Variants in CIAO3 observed in about 807,000 individuals in gnomAD.
CIAO3 encodes cytosolic iron-sulfur assembly component 3.
CIAO3 carries 45 observed loss-of-function variants against 51.5 expected under a neutral mutation model. The observed-to-expected ratio is 0.87, with a 90% CI of 0.69 to 1.12. The LOEUF (loss-of-function observed/expected upper bound fraction) is 1.12, where lower values mean the gene tolerates loss of function less well. Among genes scored for constraint, CIAO3 ranks in the 50% most tolerant of loss-of-function variants. The pLI, the probability that CIAO3 is intolerant of heterozygous loss-of-function variation, is 0.00. For synonymous variants in CIAO3, 314 were observed against 269.3 expected, an observed-to-expected ratio of 1.17 and a Z score of -1.63; for missense variants, 668 against 632.5, an observed-to-expected ratio of 1.06 and a Z score of -0.60.
intron 8 of CIAO3, 43 bp downstream of exon 8, chr16:732,258 G>C (rs768257200): frequency 1.3e-6 from 2 of 1,563,242 alleles, no homozygotes; most frequent in South Asian, 1.2e-5. Flanking sequence ...CAGAGGCAGC[G>C]TTAGAAGCTA....
At chr16:733,954 T>C (rs1020259297) in intron 6 of CIAO3, 5 of 451,106 alleles carry the variant, frequency 1.1e-5, no homozygotes, top group Non-Finnish European at 1.6e-5. Flanking sequence ...GCCGGAGGGG[T>C]GGGCTCCAGG....
At position 740,940 on chromosome 16, in the gene CIAO3, C is replaced by A; in HGVS notation, c.46G>T (p.Asp16Tyr). The A allele has an allele frequency of 6.6e-7, 1 of 1,524,358 alleles. No individual in the cohort carries two copies. Among genetic ancestry groups the A allele is most frequent in the Non-Finnish European group, 8.8e-7 (1 of 1,140,210 alleles). The allele number at this position is 1,524,358 out of a possible 1,614,324, so 94.4% of individuals were successfully genotyped here. Residue 16 changes from aspartate to tyrosine, a missense_variant, in exon 1 of 11, where the codon GAC (aspartate) becomes TAC (tyrosine). By Grantham distance (160) the Asp-to-Tyr change is radical. Coordinates refer to ENST00000251588, the MANE Select transcript of CIAO3 (RefSeq NM_022493.3). ...CCCACCTGAGACGGCCCGATGAAGT[C>A]ATCCAGGTCCGTCAGCTGCAGCGCC... ...SGALQLTDLD[D>Y]FIGPSQECIK...
chr16:737,554 A>G lies in CIAO3; in HGVS notation c.163-225T>C. 6.7e-7 allele frequency: 1 copy of G among 1,496,586 alleles called. No individual in the cohort carries two copies. The highest frequency in any genetic ancestry group is 1.2e-5 in the South Asian group (1 of 82,886). The allele number at this position is 1,496,586 out of a possible 1,614,324, so 92.7% of individuals were successfully genotyped here. A position where few individuals can be genotyped will look rare whatever the true frequency, so the allele number is the denominator to read the frequency against. ...CTTCTTGGTACCACTTGGTTAGTGC[A>G]TCCGAATCACAGGACTAAGGCTTGC... On this transcript the variant is annotated intron_variant, in intron 2 of 10. Coordinates refer to ENST00000251588, the MANE Select transcript of CIAO3 (RefSeq NM_022493.3). The surrounding 1 kb of genome is among the most constrained non-coding windows in gnomAD (Gnocchi z 5.3).
At chr16:739,477 A>G in intron 2 of CIAO3, 166 bp downstream of exon 2, 1 of 684,270 alleles carries the variant, frequency 1.5e-6, no homozygotes, top group East Asian at 2.7e-5. Context: ...TGCCCCAGGC[A>G]CCCTGACCCC....
At position 732,287 on chromosome 16, in the gene CIAO3, G is replaced by A. The variant is rs754219585; in HGVS notation, c.896+14C>T. 2 of 1,598,852 alleles carry A rather than the reference G, an allele frequency of 1.3e-6. No homozygotes were observed. Among genetic ancestry groups the A allele is most frequent in the East Asian group, 4.5e-5 (2 of 44,622 alleles). ...GAAGCTAAAATAACAGTTCTTGGTGGCAGACATACGTACAGGCTGTCCAGA... is the reference window on the plus strand; with the variant it reads ...GAAGCTAAAATAACAGTTCTTGGTGACAGACATACGTACAGGCTGTCCAGA... On this transcript the variant is annotated intron_variant, in intron 8 of 10. Transcript: ENST00000251588.
intron 1 of CIAO3, chr16:740,679 T>TG: frequency 1.9e-6 from 1 of 537,332 alleles, no homozygotes; most frequent in Non-Finnish European, 3.3e-6. Context: ...CCGGACACCA[T>TG]GGGGCACAGG....
At chr16:731,752 C>A in intron 8 of CIAO3, 50 bp from the exon 9 acceptor site, 1 of 1,492,366 alleles carries the variant, frequency 6.7e-7, no homozygotes, top group Non-Finnish European at 8.9e-7. Flanking sequence ...TGCCTGCCAA[C>A]CTCCCGAGCA....
rs777141563 is a variant in CIAO3 at position 730,885 on chromosome 16, G to A, written c.1150C>T (p.Arg384Cys). 2.0e-5 allele frequency: 32 copies of A among 1,612,756 alleles called. No individual in the cohort carries two copies. The highest frequency in any genetic ancestry group is 4.5e-5 in the East Asian group (2 of 44,900). The change falls in exon 10 of 11, where the codon CGC (arginine) becomes TGC (cysteine). Residue 384 changes from arginine (R) to cysteine (C), a missense_variant. Coordinates refer to ENST00000251588, the MANE Select transcript of CIAO3 (RefSeq NM_022493.3). ...ACCTCCACGTAGTGGTAGGGGCAGC[G>A]CCCTCGTTTGAGCCTCTGCACCAGG... is the stretch of plus-strand genomic sequence containing the variant. ...QNLVQRLKRGRCPYHYVEVMA... is the reference protein window; with the variant it reads ...QNLVQRLKRGCCPYHYVEVMA...
At position 730,447 on chromosome 16, in the gene CIAO3, C is replaced by T. The variant is rs776435391; in HGVS notation, c.1401G>A (p.Lys467=). The T allele has an allele frequency of 6.9e-6, 11 of 1,605,010 alleles. No individual in the cohort carries two copies. Among genetic ancestry groups the T allele is most frequent in the East Asian group, 2.2e-5 (1 of 44,884 alleles). Residue 467 remains lysine (K), a synonymous_variant, in exon 11 of 11, where the codon AAG becomes AAA. Coordinates refer to ENST00000251588, the MANE Select transcript of CIAO3 (RefSeq NM_022493.3). ...LLHTQYHAVE[K]ASTGLGIRW Reference sequence around the variant, plus strand: ...ACCGGATGCCCAGGCCAGTGCTGGCCTTCTCCACGGCGTGGTACTGCGTAT... The same window carrying T: ...ACCGGATGCCCAGGCCAGTGCTGGCTTTCTCCACGGCGTGGTACTGCGTAT...
At chr16:734,601 A>G (rs991826321) in intron 5 of CIAO3, 136 bp downstream of exon 5, 8 of 1,494,388 alleles carry the variant, frequency 5.4e-6, no homozygotes, top group South Asian at 1.1e-5. Context: ...ATTTGTGCCA[A>G]CATTTCCAAC....
intron 6 of CIAO3, chr16:733,641 G>A (rs1181899734): frequency 1.6e-6 from 1 of 637,046 alleles, no homozygotes; most frequent in Admixed American, 3.1e-5. Flanking sequence ...CATTCCCAGT[G>A]TGCCTGCGCT....
chr16:733,048 A>G (rs2041301719), intron 7 of CIAO3: 1 of 505,268 alleles, frequency 2.0e-6, no homozygotes, highest in African/African-American at 1.9e-5. Context: ...CCCACCTCCA[A>G]AGACTCATTT....
chr16:738,040 C>T lies in CIAO3; in HGVS notation c.163-711G>A, dbSNP rs1020350126. The T allele has an allele frequency of 6.0e-5, 66 of 1,106,380 alleles. 1 individual carries two copies. The Middle Eastern group carries it at 1.3e-3, about 21-fold the overall frequency. 68.5% of individuals were successfully genotyped at this position (1,106,380 alleles called of 1,614,324 possible). On this transcript the variant is annotated intron_variant, in intron 2 of 10. Transcript: ENST00000251588. Reference sequence around the variant, plus strand: ...GGAACTGTGTGGGAACCCCTCGCAGCCCAGCTCTCTGCTAGGCCTGTGTAT... The same window carrying T: ...GGAACTGTGTGGGAACCCCTCGCAGTCCAGCTCTCTGCTAGGCCTGTGTAT...
rs757119553 is a variant in CIAO3, at chr16:730,671, C to T, written c.1193-16G>A. ...TTCAGGCAGCCTATGGGAGAGCAGA[C>T]GGGACAGGGGTCACAGCCTGCGCCC... is the stretch of plus-strand genomic sequence containing the variant. On this transcript the variant is annotated splice_polypyrimidine_tract_variant and intron_variant, in intron 10 of 10. Coordinates refer to ENST00000251588, the MANE Select transcript of CIAO3 (RefSeq NM_022493.3). 47 of 1,604,832 alleles carry T rather than the reference C, an allele frequency of 2.9e-5. No homozygotes were observed. The highest frequency in any genetic ancestry group is 6.6e-5 in the South Asian group (6 of 90,980).
chr16:735,726 G>T (rs2151602676), intron 4 of CIAO3, among the ~76,000 whole-genome samples: 1 of 152,352 alleles, frequency 6.6e-6, no homozygotes, highest in East Asian at 1.9e-4. Flanking sequence ...CTGGGACACA[G>T]CTGGATGACA....
At chr16:738,909 G>T (rs993462642) in intron 2 of CIAO3, among the ~76,000 whole-genome samples, 5 of 151,030 alleles carry the variant, frequency 3.3e-5, no homozygotes, top group Admixed American at 6.6e-5. Flanking sequence ...CTCCCAAAGT[G>T]CTGGGATTAC....
chr16:736,888 T>A (rs1426783362), intron 3 of CIAO3: 6 of 411,852 alleles, frequency 1.5e-5, no homozygotes, highest in African/African-American at 1.0e-4. Context: ...GGTCTCGAAC[T>A]CCTGACCTCA....
At chr16:733,072 G>A in intron 7 of CIAO3, 1 of 552,728 alleles carries the variant, frequency 1.8e-6, no homozygotes, top group Non-Finnish European at 3.2e-6. Flanking sequence ...AGCCAACAAG[G>A]AGGTATTACT....
At chr16:732,646 T>A (rs2041296507) in intron 7 of CIAO3, 2 of 496,430 alleles carry the variant, frequency 4.0e-6, no homozygotes, top group Non-Finnish European at 7.6e-6. Flanking sequence ...CTGCTTTTCT[T>A]TTTTTTTTGA....
Sources: allele counts gnomAD v4.1 joint callset (sites outside exome capture counted in the v4.1 genomes callset), GRCh38; gene constraint gnomAD v4.1.1; non-coding constraint Gnocchi (gnomAD v3.1); transcripts MANE v1.5; gene names NCBI Gene and HGNC (gene_info 2026-07-23, HGNC 2026-07-21).